SETD5: variants seen among roughly 807,000 people sequenced by gnomAD.
SETD5 encodes SET domain containing 5.
SETD5 carries 44 observed loss-of-function variants against 153.3 expected under a neutral mutation model. That is an observed-to-expected ratio of 0.29 (90% CI 0.23 to 0.37). The LOEUF is 0.37. SETD5 is among the 10% of genes least tolerant of loss of function. The probability of loss-of-function intolerance (pLI) is 1.00; values close to 1 mark genes in which losing one functional copy is unlikely to be tolerated. For synonymous variants in SETD5, 716 were observed against 645.2 expected (o/e 1.11, Z -1.66); for missense variants, 1,544 against 1,768.0 (o/e 0.87, Z 2.27).
chr3:9,452,529 A>ACGT (rs1375548544), intron 16 of SETD5, among the ~76,000 whole-genome samples: 4 of 152,112 alleles, frequency 2.6e-5, no homozygotes, highest in Non-Finnish European at 4.4e-5. Flanking sequence ...TAAAATGTTT[A>ACGT]CGTGATTCAA....
At chr3:9,444,788 G>A (rs2041737417) in intron 11 of SETD5, among the ~76,000 whole-genome samples, 1 of 151,922 alleles carries the variant, frequency 6.6e-6, no homozygotes. Context: ...GAGGTAGGAG[G>A]ATCACTTGAG....
intron 9 of SETD5, among the ~76,000 whole-genome samples, 162 bp downstream of exon 9, chr3:9,441,903 T>A (rs1171943458): frequency 6.6e-6 from 1 of 152,230 alleles, no homozygotes; most frequent in Non-Finnish European, 1.5e-5. Context: ...CAAGTAAATC[T>A]TCAAATTGTT....
At chr3:9,415,588 T>C (rs6767213) in intron 1 of SETD5, among the ~76,000 whole-genome samples, 1 of 152,094 alleles carries the variant, frequency 6.6e-6, no homozygotes, top group Non-Finnish European at 1.5e-5. Flanking sequence ...TTATTATTAT[T>C]TTTTTAATTT....
At chr3:9,419,975 G>C (rs894318983) in intron 1 of SETD5, among the ~76,000 whole-genome samples, 2 of 152,246 alleles carry the variant, frequency 1.3e-5, no homozygotes, top group East Asian at 3.9e-4. Flanking sequence ...CATGTTCTGA[G>C]CCTCAGAACA....
chr3:9,425,806 C>T (rs752039828), intron 2 of SETD5, among the ~76,000 whole-genome samples: 20 of 152,128 alleles, frequency 1.3e-4, no homozygotes, highest in Non-Finnish European at 2.5e-4. Context: ...AATGGGTGTA[C>T]AGTCGTAATG....
chr3:9,410,285 G>A (rs914664500), intron 1 of SETD5, among the ~76,000 whole-genome samples: 8 of 152,136 alleles, frequency 5.3e-5, no homozygotes, highest in Non-Finnish European at 7.4e-5. Flanking sequence ...ATAAAAAATG[G>A]TACACCTTTG....
chr3:9,420,288 T>C (rs897635873), intron 1 of SETD5, among the ~76,000 whole-genome samples: 2 of 152,220 alleles, frequency 1.3e-5, no homozygotes, highest in Non-Finnish European at 1.5e-5. Context: ...CTTATCCTAC[T>C]GCCACTCCCC....
chr3:9,473,883 A>G (rs886312020), intron 20 of SETD5, among the ~76,000 whole-genome samples: 1 of 152,254 alleles, frequency 6.6e-6, no homozygotes, highest in Non-Finnish European at 1.5e-5. Flanking sequence ...TTCCACATGA[A>G]TTAACAACAG....
At chr3:9,475,209 A>G (rs2045740619) in intron 22 of SETD5, 53 bp downstream of exon 22, 21 of 1,500,088 alleles carry the variant, frequency 1.4e-5, no homozygotes, top group East Asian at 2.4e-5. Context: ...CTGGGTCCCA[A>G]ATTGTCCTGG....
At chr3:9,409,961 G>T (rs1021644554) in intron 1 of SETD5, among the ~76,000 whole-genome samples, 1 of 152,126 alleles carries the variant, frequency 6.6e-6, no homozygotes, top group Non-Finnish European at 1.5e-5. Context: ...CTGGAAAGTG[G>T]CTTTTTGTTT....
intron 10 of SETD5, 100 bp from the exon 11 acceptor site, chr3:9,443,208 A>C: frequency 2.4e-6 from 2 of 842,178 alleles, no homozygotes; most frequent in Non-Finnish European, 3.8e-6. Flanking sequence ...TAAATAATAG[A>C]TTACCATAAC....
At chr3:9,458,619 AAAAT>A (rs1236273918) in intron 17 of SETD5, among the ~76,000 whole-genome samples, 1 of 152,188 alleles carries the variant, frequency 6.6e-6, no homozygotes, top group Non-Finnish European at 1.5e-5. Context: ...TAAAAATAAT[AAAAT>A]AAATAATTCA....
intron 17 of SETD5, among the ~76,000 whole-genome samples, chr3:9,459,456 A>C (rs1429804422): frequency 6.6e-6 from 1 of 152,050 alleles, no homozygotes; most frequent in African/African-American, 2.4e-5. Flanking sequence ...GATCTTACCT[A>C]GCACCTTGAA....
intron 7 of SETD5, among the ~76,000 whole-genome samples, chr3:9,438,523 T>C (rs1270647135): frequency 2.0e-5 from 3 of 151,864 alleles, no homozygotes; most frequent in African/African-American, 7.2e-5. Context: ...GTGTTAAAAT[T>C]TAGAAAAAAA....
rs1306454060 is a variant in SETD5 at position 9,434,170 on chromosome 3, A to G, written c.178-164A>G. On this transcript the variant is annotated intron_variant, in intron 4 of 22. Coordinates refer to ENST00000402198, the MANE Select transcript of SETD5 (RefSeq NM_001080517.3). This position sits in a 1 kb window ranked among gnomAD's most constrained non-coding sequence, Gnocchi z 5.6. ...TTTTATCACTTTCCTGGTTGAAGCC[A>G]AAAAACAAAGGGTACTACTTTCTTC... The G allele has an allele frequency of 6.5e-7, 1 of 1,548,790 alleles. No homozygotes were observed. Among genetic ancestry groups the G allele is most frequent in the Non-Finnish European group, 8.7e-7 (1 of 1,146,128 alleles).
Position 9,441,706 on chromosome 3 carries a change from A to T in SETD5, c.924A>T (p.Arg308=), listed in dbSNP as rs750345791. The change falls in exon 9 of 23, where the codon CGA becomes CGT. Residue 308 remains arginine (R), a synonymous_variant. Transcript: ENST00000402198. The part of the protein sequence containing the change: ...IIEYRGKVML[R]QQFEVNGHFF... ...AGTATCGTGGGAAAGTCATGTTACGACAGCAATTTGAGGTCAATGGGCATT... is the reference window on the plus strand; with the variant it reads ...AGTATCGTGGGAAAGTCATGTTACGTCAGCAATTTGAGGTCAATGGGCATT... The T allele has an allele frequency of 2.5e-6, 4 of 1,614,014 alleles. No homozygotes were observed. In the South Asian group the frequency reaches 4.4e-5, roughly 18 times the overall value.
intron 1 of SETD5, among the ~76,000 whole-genome samples, chr3:9,412,050 G>A (rs1384182675): frequency 6.6e-6 from 1 of 152,084 alleles, no homozygotes; most frequent in East Asian, 1.9e-4. Flanking sequence ...TGTGGCTTTA[G>A]GGTATTGTGT....
Position 9,402,572 on chromosome 3 carries a change from C to G in SETD5, c.-177+4595C>G, listed in dbSNP as rs150322205. Among the ~76,000 whole-genome samples, 3 of 152,248 alleles carry G rather than the reference C, an allele frequency of 2.0e-5. No individual in the cohort carries two copies. In the East Asian group the frequency reaches 5.8e-4, roughly 29 times the overall value. ...CATCAGGCCAGTTTTGCCTGATGCT[C>G]ATGTCTGTTGCTTTGGTTGGGCTGC... On this transcript the variant is annotated intron_variant, in intron 1 of 22. Coordinates refer to ENST00000402198, the MANE Select transcript of SETD5 (RefSeq NM_001080517.3).
At chr3:9,424,918 ATTAG>A (rs972467727) in intron 2 of SETD5, among the ~76,000 whole-genome samples, 17 of 152,318 alleles carry the variant, frequency 1.1e-4, no homozygotes, top group African/African-American at 3.6e-4. Flanking sequence ...TTATTAAAGC[ATTAG>A]TTAGAATGAG....
Sources: allele counts gnomAD v4.1 joint callset (sites outside exome capture counted in the v4.1 genomes callset), GRCh38; gene constraint gnomAD v4.1.1; non-coding constraint Gnocchi (gnomAD v3.1); transcripts MANE v1.5; gene names NCBI Gene and HGNC (gene_info 2026-07-23, HGNC 2026-07-21).